The following KLHDC4 variants were observed in gnomAD, a reference collection of about 807,000 sequenced individuals.
KLHDC4 encodes kelch domain-containing protein 4.
A neutral mutation model predicts 62.4 loss-of-function variants in KLHDC4; 90 were observed. The observed-to-expected ratio is 1.44, with a 90% confidence interval of 1.22 to 1.72. KLHDC4 has a LOEUF of 1.72. Among genes scored for constraint, KLHDC4 ranks in the 40% most tolerant of loss-of-function variants. The pLI, the probability that KLHDC4 is intolerant of heterozygous loss-of-function variation, is 0.00. For missense variants in KLHDC4, 1,025 were observed against 699.7 expected, an observed-to-expected ratio of 1.47 and a Z score of -5.25; for synonymous variants, 386 against 284.4, an observed-to-expected ratio of 1.36 and a Z score of -3.59.
chr16:87,699,642 TGAGCA>T (rs1410580603), exon 1 of KLHDC4: 1 of 152,460 alleles, frequency 6.6e-6, no homozygotes, highest in Non-Finnish European at 1.5e-5. Context: ...GAGGTTGCAG[TGAGCA>T]GAGATCGCGC....
chr16:87,742,949 G>A (rs1443013141), intron 5 of KLHDC4: 2 of 152,276 alleles, frequency 1.3e-5, no homozygotes, highest in African/African-American at 2.4e-5. Flanking sequence ...GTGACGACGA[G>A]CACGGAGAAC....
chr16:87,699,678 G>C (rs560200832), exon 1 of KLHDC4: 2 of 152,502 alleles, frequency 1.3e-5, no homozygotes, highest in African/African-American at 4.8e-5. Flanking sequence ...CAGCCTGGAC[G>C]ACAGAGTGAG....
At chr16:87,703,883 G>A (rs2142883687), downstream of KLHDC4, among the ~76,000 whole-genome samples, 1 of 152,348 alleles carries the variant, frequency 6.6e-6, no homozygotes, top group South Asian at 2.1e-4. Flanking sequence ...AAGAGTAATG[G>A]AGGTGACTGC....
intron 4 of KLHDC4, chr16:87,750,490 A>G (rs3751730): frequency 0.21 from 32,379 of 152,256 alleles, 3,665 homozygotes; most frequent in South Asian, 0.31. Context: ...TGGTCATTGC[A>G]GAGTTGGTTC....
At chr16:87,711,490 C>T in intron 8 of KLHDC4, 47 bp from the exon 9 acceptor site, 2 of 1,529,644 alleles carry the variant, frequency 1.3e-6, no homozygotes, top group East Asian at 2.3e-5. Flanking sequence ...AAGGAAGGAC[C>T]CTGAGAGCCA....
Position 87,714,547 on chromosome 16 carries a change from G to GCC in KLHDC4, c.784_785dup (p.Thr263AlafsTer10), listed in dbSNP as rs1468093916. ...GCAGGAACATGTCTGAGTGCCGTGT[G>GCC]CCCTTGTCCACGTCTTTCTTAACTC... On this transcript the variant is annotated frameshift_variant, in exon 8 of 12. Coordinates refer to ENST00000270583, the MANE Select transcript of KLHDC4 (RefSeq NM_017566.4). LOFTEE classifies it high-confidence loss of function. 4 of 1,614,030 alleles carry GCC rather than the reference G, an allele frequency of 2.5e-6. No individual in the cohort carries two copies. In the African/African-American group the frequency reaches 5.3e-5, roughly 22 times the overall value.
At chr16:87,707,176 G>C (rs948384898), downstream of KLHDC4, among the ~76,000 whole-genome samples, 3 of 152,224 alleles carry the variant, frequency 2.0e-5, no homozygotes. Context: ...TCTTGGACTG[G>C]AGCAGGCCTA....
At chr16:87,753,055 G>A (rs1368205210) in intron 4 of KLHDC4, among the ~76,000 whole-genome samples, 1 of 152,248 alleles carries the variant, frequency 6.6e-6, no homozygotes, top group Admixed American at 6.5e-5. Context: ...GGGACAAGGG[G>A]CACAGGCAGG....
chr16:87,728,340 T>G (rs150953295), intron 6 of KLHDC4, among the ~76,000 whole-genome samples: 1 of 152,338 alleles, frequency 6.6e-6, no homozygotes, highest in East Asian at 1.9e-4. Flanking sequence ...AGACCACTGT[T>G]TTTTTCAGAT....
At chr16:87,702,403 T>C (rs1235758002) in exon 1 of KLHDC4, 2 of 382,380 alleles carry the variant, frequency 5.2e-6, no homozygotes, top group East Asian at 7.2e-5. Context: ...TGGCCCGTCC[T>C]GCACCCCCAG....
At chr16:87,703,126 G>C (rs916376981), downstream of KLHDC4, 2 of 152,258 alleles carry the variant, frequency 1.3e-5, no homozygotes, top group Admixed American at 6.5e-5. Flanking sequence ...GCTGCGCAAT[G>C]GATGTGTGGA....
At chr16:87,752,495 C>T (rs1434248243) in intron 4 of KLHDC4, among the ~76,000 whole-genome samples, 1 of 151,966 alleles carries the variant, frequency 6.6e-6, no homozygotes, top group Non-Finnish European at 1.5e-5. Context: ...CGCCACGACG[C>T]CCAGGTAATT....
intron 1 of KLHDC4, among the ~76,000 whole-genome samples, chr16:87,764,525 T>G (rs2046322540): frequency 6.6e-6 from 1 of 151,312 alleles, no homozygotes; most frequent in Non-Finnish European, 1.5e-5. Flanking sequence ...GGTGCATGCC[T>G]GTAATCTCAG....
chr16:87,728,156 G>A (rs1416005586), intron 6 of KLHDC4, among the ~76,000 whole-genome samples: 1 of 152,176 alleles, frequency 6.6e-6, no homozygotes. Flanking sequence ...CTGCACTCCA[G>A]CCTGGGCGAT....
intron 5 of KLHDC4, among the ~76,000 whole-genome samples, chr16:87,744,510 G>A (rs776799082): frequency 2.0e-5 from 3 of 151,192 alleles, no homozygotes; most frequent in African/African-American, 7.3e-5. Flanking sequence ...TTGAACCAGC[G>A]AGGTGGAGGT....
chr16:87,738,336 T>C (rs931933252), intron 5 of KLHDC4, among the ~76,000 whole-genome samples: 2 of 151,342 alleles, frequency 1.3e-5, no homozygotes, highest in East Asian at 3.9e-4. Context: ...ACAGTGCGTA[T>C]GCCTGCGCAC....
intron 2 of KLHDC4, among the ~76,000 whole-genome samples, chr16:87,761,015 A>T (rs1332332296): frequency 1.3e-5 from 2 of 152,224 alleles, no homozygotes; most frequent in Non-Finnish European, 2.9e-5. Context: ...CCTGGATGAC[A>T]GAGTGAGACT....
At chr16:87,746,164 G>C (rs574586326) in intron 5 of KLHDC4, among the ~76,000 whole-genome samples, 2 of 152,080 alleles carry the variant, frequency 1.3e-5, no homozygotes, top group Admixed American at 1.3e-4. Flanking sequence ...TGGCTACTAG[G>C]GGGGCTGAGG....
At chr16:87,762,862 G>T (rs1175782987) in intron 1 of KLHDC4, among the ~76,000 whole-genome samples, 1 of 151,920 alleles carries the variant, frequency 6.6e-6, no homozygotes. Flanking sequence ...TGTCCTGCTT[G>T]CAACTACACA....
Sources: gnomAD v4.1 joint callset for allele counts (sites outside exome capture counted in the v4.1 genomes callset) on GRCh38, gnomAD v4.1.1 for gene constraint, MANE v1.5 for transcripts, NCBI Gene and HGNC (gene_info 2026-07-23, HGNC 2026-07-21) for gene names.